The following SCAPER variants were observed in gnomAD, a reference collection of about 807,000 sequenced individuals.
SCAPER encodes the protein S phase cyclin A-associated protein in the endoplasmic reticulum.
Under a neutral mutation model 182.2 loss-of-function variants are expected in SCAPER, and 98 were observed. The ratio of observed to expected loss-of-function variants is 0.54; its 90% CI spans 0.46 to 0.64. The LOEUF (loss-of-function observed/expected upper bound fraction) is 0.64. SCAPER is among the 30% of genes least tolerant of loss of function. The pLI is 0.00. For missense variants in SCAPER, 1,432 were observed against 1,690.0 expected (o/e 0.85, Z 2.68); for synonymous variants, 605 against 564.6 (o/e 1.07, Z -1.01).
intron 1 of SCAPER, among the ~76,000 whole-genome samples, chr15:76,886,349 G>A (rs1377141174): frequency 6.6e-6 from 1 of 151,984 alleles, no homozygotes; most frequent in East Asian, 1.9e-4. Flanking sequence ...GTGTGGTGGT[G>A]CGCGCCTGTA....
At position 76,760,394 on chromosome 15, in the gene SCAPER, G is replaced by T. The variant is rs983877130; in HGVS notation, c.1725+4567C>A. 2.6e-5 allele frequency among the ~76,000 whole-genome samples: 4 copies of T among 152,328 alleles called. No individual in the cohort carries two copies. The Middle Eastern group carries it at 0.01, about 389-fold the overall frequency. ...AAAGGATGCAGATAAACAGCCAGAT[G>T]GAAAAGATGCCTAAGGCAAAGTGTG... On this transcript the variant is annotated intron_variant, in intron 14 of 31. Coordinates refer to ENST00000563290, the MANE Select transcript of SCAPER (RefSeq NM_020843.4).
intron 21 of SCAPER, among the ~76,000 whole-genome samples, chr15:76,630,989 T>C (rs1205109108): frequency 6.6e-6 from 1 of 152,190 alleles, no homozygotes; most frequent in African/African-American, 2.4e-5. Context: ...CTATACTGGG[T>C]GTATAGATAT....
rs77539524 is a variant in SCAPER at position 76,726,414 on chromosome 15, A to G, written c.2165+2181T>C. Among the ~76,000 whole-genome samples the G allele has an allele frequency of 5.9e-3, 900 of 151,752 alleles. 4 individuals carry two copies. Among genetic ancestry groups the G allele is most frequent in the African/African-American group, 0.021 (867 of 41,442 alleles). ...ACCCTTGTGCAATGCTGCTGAGAAC[A>G]TAAAAATGGTACAGCTGCTATGAAA... On this transcript the variant is annotated intron_variant, in intron 17 of 31. Coordinates refer to ENST00000563290, the MANE Select transcript of SCAPER (RefSeq NM_020843.4).
At chr15:76,568,094 T>G (rs1385755279) in intron 23 of SCAPER, among the ~76,000 whole-genome samples, 2 of 151,726 alleles carry the variant, frequency 1.3e-5, no homozygotes, top group African/African-American at 4.9e-5. Flanking sequence ...ATTATAGCCT[T>G]TATTCACTAA....
At chr15:76,356,187 C>T (rs754671948) in intron 29 of SCAPER, among the ~76,000 whole-genome samples, 9 of 152,176 alleles carry the variant, frequency 5.9e-5, no homozygotes, top group Non-Finnish European at 1.3e-4. Flanking sequence ...AGCACTAACA[C>T]TCAGTGGGCT....
chr15:76,896,527 A>G (rs2074441786), intron 1 of SCAPER, among the ~76,000 whole-genome samples: 1 of 152,186 alleles, frequency 6.6e-6, no homozygotes, highest in South Asian at 2.1e-4. Flanking sequence ...AAAAATTAAC[A>G]TTGTTAAAAT....
At chr15:76,905,045 G>A (rs1157708376) in intron 1 of SCAPER, 1 of 152,528 alleles carries the variant, frequency 6.6e-6, no homozygotes, top group Non-Finnish European at 1.5e-5. Context: ...GCAGGGCCCG[G>A]ACGCGGCTCA....
At chr15:76,442,697 C>T (rs573173100) in intron 25 of SCAPER, among the ~76,000 whole-genome samples, 1 of 152,132 alleles carries the variant, frequency 6.6e-6, no homozygotes, top group Non-Finnish European at 1.5e-5. Context: ...AATGAGAAAA[C>T]AGAGGCTCAG....
intron 10 of SCAPER, among the ~76,000 whole-genome samples, chr15:76,770,528 TA>T (rs1338252573): frequency 6.6e-6 from 1 of 152,086 alleles, no homozygotes; most frequent in Admixed American, 6.5e-5. Context: ...ATATCCACAT[TA>T]AAGCAGAATT....
intron 20 of SCAPER, among the ~76,000 whole-genome samples, chr15:76,700,276 C>G (rs1050831948): frequency 6.6e-6 from 1 of 152,176 alleles, no homozygotes; most frequent in East Asian, 1.9e-4. Context: ...CTCTGGCTGC[C>G]CTCCACAGCA....
chr15:76,396,440 T>C (rs2142064177), intron 27 of SCAPER, among the ~76,000 whole-genome samples: 1 of 152,348 alleles, frequency 6.6e-6, no homozygotes, highest in African/African-American at 2.4e-5. Flanking sequence ...ACAATATTGC[T>C]GCTTCCAATC....
rs1339575973 is a variant in SCAPER at position 76,577,137 on chromosome 15, G to C, written c.2712-2853C>G. Reference sequence around the variant, plus strand: ...GACTCCGTCCCTATGCTTGAGGAGAGGGGAGGGAAGACTAAAGAGGACTCT... The same window carrying C: ...GACTCCGTCCCTATGCTTGAGGAGACGGGAGGGAAGACTAAAGAGGACTCT... On this transcript the variant is annotated intron_variant, in intron 22 of 31. Transcript: ENST00000563290. Among the ~76,000 whole-genome samples, 4 of 152,164 alleles carry C rather than the reference G, an allele frequency of 2.6e-5. No homozygotes were observed. In the East Asian group the frequency reaches 5.8e-4, roughly 22 times the overall value.
At chr15:76,700,546 T>C (rs1341492961) in intron 20 of SCAPER, among the ~76,000 whole-genome samples, 1 of 152,148 alleles carries the variant, frequency 6.6e-6, no homozygotes, top group Non-Finnish European at 1.5e-5. Flanking sequence ...AGGGTGTGCC[T>C]TCCCTTCCTC....
At chr15:76,422,401 C>T (rs903357100) in intron 26 of SCAPER, among the ~76,000 whole-genome samples, 6 of 152,200 alleles carry the variant, frequency 3.9e-5, no homozygotes, top group African/African-American at 1.4e-4. Context: ...GGAGTTCACT[C>T]ATGAGTTGGC....
rs1264177651 is a variant in SCAPER at position 76,841,923 on chromosome 15, T to C, written c.204A>G (p.Ala68=). The C allele has an allele frequency of 1.9e-6, 3 of 1,612,928 alleles. No homozygotes were observed. Among genetic ancestry groups the C allele is most frequent in the East Asian group, 2.2e-5 (1 of 44,858 alleles). ...TAGACGATGTTATTTTACAGTCCAC[T>C]GCAGTACTCTGGTGAAGTAAAATAA... The part of the protein sequence containing the change: ...GTHKTTKQST[A]VDCKITSSTT... The change falls in exon 5 of 32, where the codon GCA becomes GCG. Residue 68 remains alanine, a synonymous_variant. Transcript: ENST00000563290.
At chr15:76,580,728 A>G (rs1031645219) in intron 22 of SCAPER, among the ~76,000 whole-genome samples, 2 of 152,164 alleles carry the variant, frequency 1.3e-5, no homozygotes, top group South Asian at 4.1e-4. Context: ...ACTTCAAATA[A>G]AAAACCTATA....
chr15:76,485,206 G>C (rs1019295213), intron 24 of SCAPER, among the ~76,000 whole-genome samples: 1 of 152,136 alleles, frequency 6.6e-6, no homozygotes, highest in African/African-American at 2.4e-5. Context: ...TGAAGTCTCA[G>C]GATACAAAAA....
rs11854604 is a variant in SCAPER, at chr15:76,826,277, T to C, written c.393+15457A>G. On this transcript the variant is annotated intron_variant, in intron 5 of 31. Coordinates refer to ENST00000563290, the MANE Select transcript of SCAPER (RefSeq NM_020843.4). ...GTCCTTTGTAGGGACATGGATGAAA[T>C]TGGAAATCATCATTCTCAGTAAACT... 8.2e-3 allele frequency among the ~76,000 whole-genome samples: 1,235 copies of C among 150,822 alleles called. 12 individuals carry two copies. The highest frequency in any genetic ancestry group is 0.028 in the African/African-American group (1,166 of 41,028).
At chr15:76,834,381 A>T (rs1284117329) in intron 5 of SCAPER, among the ~76,000 whole-genome samples, 1 of 152,212 alleles carries the variant, frequency 6.6e-6, no homozygotes, top group African/African-American at 2.4e-5. Context: ...CACTAAATGC[A>T]TACATCAAGA....
Sources: gnomAD v4.1 joint callset for allele counts (sites outside exome capture counted in the v4.1 genomes callset) on GRCh38, gnomAD v4.1.1 for gene constraint, MANE v1.5 for transcripts, NCBI Gene and HGNC (gene_info 2026-07-23, HGNC 2026-07-21) for gene names.